Variants in WDR41 observed in about 807,000 individuals in gnomAD.
The protein encoded by WDR41 is WD repeat domain 41, also known as WD repeat-containing protein 41.
In WDR41, 63 loss-of-function variants were observed where a neutral mutation model predicts 69.3. The observed-to-expected ratio is 0.91, with a 90% CI of 0.74 to 1.12. WDR41 has a LOEUF of 1.12. Ranked by LOEUF, WDR41 falls within the 50% of genes most tolerant of loss-of-function variation. The pLI, the probability that WDR41 is intolerant of heterozygous loss-of-function variation, is 0.00. For missense variants in WDR41, 543 were observed against 534.5 expected, an observed-to-expected ratio of 1.02 and a Z score of -0.16; for synonymous variants, 185 against 192.1, an observed-to-expected ratio of 0.96 and a Z score of 0.31.
chr5:77,617,271 C>G (rs1202251621), intron 1 of WDR41, among the ~76,000 whole-genome samples: 1 of 152,172 alleles, frequency 6.6e-6, no homozygotes, highest in Admixed American at 6.5e-5. Context: ...GTGCTGGTGG[C>G]TACCATATTG....
intron 1 of WDR41, among the ~76,000 whole-genome samples, chr5:77,572,919 T>C (rs1289835601): frequency 6.6e-6 from 1 of 152,240 alleles, no homozygotes; most frequent in Non-Finnish European, 1.5e-5. Context: ...ACAGGGTCTC[T>C]GCAATATGCA....
chr5:77,486,162 C>T (rs745789939), intron 2 of WDR41, among the ~76,000 whole-genome samples: 2 of 152,156 alleles, frequency 1.3e-5, no homozygotes, highest in South Asian at 4.1e-4. Context: ...GTCCTTCTTA[C>T]GAAGATGACT....
At chr5:77,609,975 G>A (rs1459119245) in intron 1 of WDR41, among the ~76,000 whole-genome samples, 4 of 152,130 alleles carry the variant, frequency 2.6e-5, no homozygotes, top group Admixed American at 1.3e-4. Flanking sequence ...AGCTGATGGA[G>A]CTGAAAGCCA....
chr5:77,536,820 C>T (rs1018890490), intron 1 of WDR41, among the ~76,000 whole-genome samples: 1 of 152,132 alleles, frequency 6.6e-6, no homozygotes, highest in Admixed American at 6.5e-5. Context: ...CTATGATGTT[C>T]GCACCATGAT....
chr5:77,478,489 G>A (rs1013372179), intron 2 of WDR41, among the ~76,000 whole-genome samples: 1 of 152,118 alleles, frequency 6.6e-6, no homozygotes, highest in Non-Finnish European at 1.5e-5. Flanking sequence ...GATCAAGTGG[G>A]CTTCATCACT....
intron 11 of WDR41, 148 bp from the exon 12 acceptor site, chr5:77,436,542 G>A (rs1182730137): frequency 5.3e-6 from 5 of 937,708 alleles, no homozygotes; most frequent in Admixed American, 5.7e-5. Flanking sequence ...CTAGGGTTTT[G>A]TGAATATGTT....
At chr5:77,499,140 A>C (rs1801980330) in intron 1 of WDR41, among the ~76,000 whole-genome samples, 1 of 152,228 alleles carries the variant, frequency 6.6e-6, no homozygotes, top group Admixed American at 6.5e-5. Context: ...CACAACTATA[A>C]ACCTTGAACA....
intron 5 of WDR41, among the ~76,000 whole-genome samples, chr5:77,455,386 T>C (rs756490981): frequency 6.6e-6 from 1 of 152,210 alleles, no homozygotes; most frequent in East Asian, 1.9e-4. Flanking sequence ...TTATCAGATA[T>C]ACAATTTGAA....
chr5:77,595,475 A>G (rs1744211233), intron 1 of WDR41, among the ~76,000 whole-genome samples: 1 of 152,174 alleles, frequency 6.6e-6, no homozygotes, highest in Non-Finnish European at 1.5e-5. Context: ...ATTGCCCCCA[A>G]AACCACATTA....
At chr5:77,445,467 CA>C (rs1157492556) in intron 8 of WDR41, among the ~76,000 whole-genome samples, 2 of 151,590 alleles carry the variant, frequency 1.3e-5, no homozygotes, top group Non-Finnish European at 2.9e-5. Context: ...AGAGACACAA[CA>C]AAAAAAAGAA....
At chr5:77,580,086 A>T (rs900096850) in intron 1 of WDR41, among the ~76,000 whole-genome samples, 2 of 151,732 alleles carry the variant, frequency 1.3e-5, no homozygotes, top group East Asian at 3.9e-4. Context: ...AGATAGATAG[A>T]TTAGATAGAT....
intron 1 of WDR41, among the ~76,000 whole-genome samples, chr5:77,599,351 C>T (rs1390934536): frequency 2.0e-5 from 3 of 151,956 alleles, no homozygotes; most frequent in South Asian, 4.2e-4. Context: ...AAGGCATCTG[C>T]CACCAAGCCT....
chr5:77,511,835 G>A (rs1384054431), intron 1 of WDR41, among the ~76,000 whole-genome samples: 2 of 150,168 alleles, frequency 1.3e-5, no homozygotes, highest in African/African-American at 5.0e-5. Context: ...AGGTTACCAA[G>A]AAGCATTAGT....
intron 1 of WDR41, among the ~76,000 whole-genome samples, chr5:77,615,180 A>G (rs1009857172): frequency 6.6e-6 from 1 of 152,172 alleles, no homozygotes; most frequent in African/African-American, 2.4e-5. Flanking sequence ...CTAAAAAAGA[A>G]AAAAAGTCTT....
At chr5:77,461,511 T>C (rs1385201198) in intron 4 of WDR41, among the ~76,000 whole-genome samples, 3 of 152,182 alleles carry the variant, frequency 2.0e-5, no homozygotes, top group Admixed American at 6.5e-5. Flanking sequence ...TTGAAAGTGT[T>C]TACACAGAAC....
intron 1 of WDR41, among the ~76,000 whole-genome samples, chr5:77,538,625 G>A (rs868123666): frequency 6.6e-6 from 1 of 152,150 alleles, no homozygotes; most frequent in African/African-American, 2.4e-5. Flanking sequence ...TTGCTGCAAA[G>A]GACATGATTT....
At chr5:77,478,790 A>G (rs1214361937) in intron 2 of WDR41, among the ~76,000 whole-genome samples, 2 of 149,882 alleles carry the variant, frequency 1.3e-5, no homozygotes, top group Admixed American at 1.3e-4. Flanking sequence ...CTCTCTCACC[A>G]CTCCTATTCA....
intron 9 of WDR41, among the ~76,000 whole-genome samples, chr5:77,438,814 G>A (rs1237361839): frequency 1.1e-4 from 16 of 151,956 alleles, no homozygotes; most frequent in Non-Finnish European, 2.9e-5. Flanking sequence ...ACCTACAAGT[G>A]ATACAAAAAA....
In WDR41 at chr5:77,608,725, G is replaced by A. The variant is rs1263912045; in HGVS notation, c.42+11754C>T. ...CTGGTCTACAGCTCCCAGCGTGAGT[G>A]ACGCAGAAGATGGGTGATTTCTGCA... On this transcript the variant is annotated intron_variant, in intron 1 of 5. Transcript: ENST00000509971. 2.0e-5 allele frequency among the ~76,000 whole-genome samples: 3 copies of A among 152,242 alleles called. No homozygotes were observed. The East Asian group carries it at 5.8e-4, about 29-fold the overall frequency.
Sources: allele counts gnomAD v4.1 joint callset (sites outside exome capture counted in the v4.1 genomes callset), GRCh38; gene constraint gnomAD v4.1.1; transcripts MANE v1.5; gene names NCBI Gene and HGNC (gene_info 2026-07-23, HGNC 2026-07-21).